The following CAPN6 variants were observed in gnomAD, a reference collection of about 807,000 sequenced individuals.
CAPN6 encodes calpain 6.
Under a neutral mutation model 46.0 loss-of-function variants are expected in CAPN6, and 16 were observed. The observed-to-expected ratio is 0.35, with a 90% CI of 0.24 to 0.53. CAPN6 has a LOEUF of 0.53. Ranked by LOEUF, CAPN6 falls within the 20% of genes least tolerant of loss-of-function variation. The pLI is 0.94. For missense variants in CAPN6, 461 were observed against 498.0 expected (o/e 0.93, Z 0.71); for synonymous variants, 206 against 172.8 (o/e 1.19, Z -1.51).
At chrX:111,260,052 T>C (rs1285085341) in intron 2 of CAPN6, among the ~76,000 whole-genome samples, 2 of 112,676 alleles carry the variant, frequency 1.8e-5, no homozygotes, top group Non-Finnish European at 3.8e-5. Flanking sequence ...TCAGGTAATA[T>C]ACCTGTGTAT....
At chrX:111,260,887 T>A (rs2094987428) in intron 2 of CAPN6, among the ~76,000 whole-genome samples, 1 of 112,865 alleles carries the variant, frequency 8.9e-6, no homozygotes, top group African/African-American at 3.2e-5. Flanking sequence ...AACTATTTGA[T>A]AGCTCAATAT....
chrX:111,251,368 A>G, intron 6 of CAPN6, 82 bp from the exon 7 acceptor site: 1 of 1,009,125 alleles, frequency 9.9e-7, no homozygotes, highest in Non-Finnish European at 1.4e-6. Flanking sequence ...ATGCCAGAGA[A>G]ACAGAGTGCA....
rs68122134 is a variant in CAPN6, at chrX:111,264,707, T to TAA, written c.-15-758_-15-757dup. ...CAATACACTCTTGCTTTCTTTTCTT[T>TAA]AAAAAAAAAAAAAGGAGGAAAAACA... On this transcript the variant is annotated intron_variant, in intron 1 of 12. Coordinates refer to ENST00000324068, the MANE Select transcript of CAPN6 (RefSeq NM_014289.4). Among the ~76,000 whole-genome samples, 400 of 99,925 alleles carry TAA rather than the reference T, an allele frequency of 4.0e-3. 4 individuals carry two copies. Among genetic ancestry groups the TAA allele is most frequent in the African/African-American group, 0.014 (380 of 27,439 alleles). 86.8% of individuals were successfully genotyped at this position (99,925 alleles called of 115,157 possible).
rs189530785 is a variant in CAPN6, at chrX:111,267,486, C to A, written c.-16+2885G>T. Among the ~76,000 whole-genome samples the A allele has an allele frequency of 2.7e-5, 3 of 111,978 alleles. No homozygotes were observed. The East Asian group carries it at 8.4e-4, about 31-fold the overall frequency. On this transcript the variant is annotated intron_variant, in intron 1 of 12. Coordinates refer to ENST00000324068, the MANE Select transcript of CAPN6 (RefSeq NM_014289.4). ...TTGAGGGAGACTGCCACGTAGAATA[C>A]AAGGCTGCAGTTTAAAGAGAGAGGT...
intron 2 of CAPN6, 84 bp downstream of exon 2, chrX:111,263,688 T>C: frequency 1.2e-6 from 1 of 851,950 alleles, no homozygotes. Flanking sequence ...GTCTACACAG[T>C]AGGCTTTGTA....
chrX:111,265,656 A>G (rs1216293159), intron 1 of CAPN6, among the ~76,000 whole-genome samples: 1 of 112,128 alleles, frequency 8.9e-6, no homozygotes, highest in Non-Finnish European at 1.9e-5. Flanking sequence ...CAAACTTACA[A>G]CAAACACTAC....
At chrX:111,247,654 C>A in intron 11 of CAPN6, 150 bp from the exon 12 acceptor site, 1 of 673,893 alleles carries the variant, frequency 1.5e-6, no homozygotes, top group Non-Finnish European at 2.2e-6. Flanking sequence ...ATTCCCACTT[C>A]CCTTTCCTTT....
chrX:111,249,106 A>G (rs1487891876), intron 8 of CAPN6, 49 bp from the exon 9 acceptor site: 1 of 1,174,351 alleles, frequency 8.5e-7, no homozygotes, highest in Non-Finnish European at 1.2e-6. Flanking sequence ...CCCATTTCAT[A>G]TGAACGAGCT....
At position 111,248,758 on chromosome X, in the gene CAPN6, C is replaced by T. The variant is rs759834539; in HGVS notation, c.1295G>A (p.Arg432His). ...GFELFKVEMN[R>H]KFRLHHLYIQ... ...GTAGAGGTGGTGGAGGCGGAATTTGCGGTTCATCTCCACCTGGAAATGAAA... is the reference window on the plus strand; with the variant it reads ...GTAGAGGTGGTGGAGGCGGAATTTGTGGTTCATCTCCACCTGGAAATGAAA... Residue 432 changes from arginine to histidine, a missense_variant, in exon 10 of 13, where the codon CGC (arginine) becomes CAC (histidine). Physicochemically the swap from Arg to His is conservative, Grantham distance 29. Coordinates refer to ENST00000324068, the MANE Select transcript of CAPN6 (RefSeq NM_014289.4). 3 of 1,209,619 alleles carry T rather than the reference C, an allele frequency of 2.5e-6. No individual in the cohort carries two copies. Among genetic ancestry groups the T allele is most frequent in the Non-Finnish European group, 3.4e-6 (3 of 893,805 alleles).
chrX:111,249,602 G>A (rs1380322431), intron 8 of CAPN6, among the ~76,000 whole-genome samples: 3 of 110,440 alleles, frequency 2.7e-5, no homozygotes, highest in Non-Finnish European at 5.7e-5. Flanking sequence ...ACATCATCTG[G>A]GGAATCACGG....
chrX:111,267,927 G>A (rs2094993138), intron 1 of CAPN6, among the ~76,000 whole-genome samples: 1 of 112,262 alleles, frequency 8.9e-6, no homozygotes, highest in African/African-American at 3.2e-5. Context: ...CCACACCTGG[G>A]GGGTGGTATG....
At chrX:111,253,702 A>T (rs988770764) in intron 3 of CAPN6, among the ~76,000 whole-genome samples, 6 of 112,043 alleles carry the variant, frequency 5.4e-5, no homozygotes, top group Admixed American at 1.9e-4. Flanking sequence ...ATGTTTAGGA[A>T]TTTTTTTTGT....
Position 111,254,186 on chromosome X carries a change from G to A in CAPN6, c.297+86C>T, listed in dbSNP as rs926414. 0.021 allele frequency: 21,987 copies of A among 1,031,117 alleles called. 1,925 individuals are homozygous for A. In the African/African-American group the frequency reaches 0.3, roughly 14 times the overall value. The allele number at this position is 1,031,117 out of a possible 1,213,427, so 85.0% of individuals were successfully genotyped here. On this transcript the variant is annotated intron_variant, in intron 3 of 12. Coordinates refer to ENST00000324068, the MANE Select transcript of CAPN6 (RefSeq NM_014289.4). ...CTTTCAAGAAATACAACAATCTAAG[G>A]AAGTTATGCGCTGATTTTTTTCCTA...
Position 111,248,009 on chromosome X carries a change from A to G in CAPN6, c.1485-17T>C, listed in dbSNP as rs750462184. 1 of 1,198,835 alleles carries G rather than the reference A, an allele frequency of 8.3e-7. No homozygotes were observed. Among genetic ancestry groups the G allele is most frequent in the Non-Finnish European group, 1.1e-6 (1 of 884,629 alleles). On this transcript the variant is annotated splice_polypyrimidine_tract_variant and intron_variant, in intron 10 of 12. Coordinates refer to ENST00000324068, the MANE Select transcript of CAPN6 (RefSeq NM_014289.4). ...GTCAGTTCCCTAGAACATCAAAAAT[A>G]AAATATTGTCATCATATGATAAATA...
intron 1 of CAPN6, 27 bp downstream of exon 1, chrX:111,270,344 A>G: frequency 3.2e-6 from 1 of 311,605 alleles, no homozygotes; most frequent in South Asian, 3.0e-5. Context: ...ACTCCAGGGT[A>G]AGTTTGCGAA....
chrX:111,260,408 A>T (rs1329104442), intron 2 of CAPN6, among the ~76,000 whole-genome samples: 1 of 113,130 alleles, frequency 8.8e-6, no homozygotes. Context: ...GACAGAAAAT[A>T]TCAGGTTAAT....
intron 5 of CAPN6, 32 bp from the exon 6 acceptor site, chrX:111,251,774 G>C: frequency 9.0e-7 from 1 of 1,115,463 alleles, no homozygotes; most frequent in South Asian, 2.0e-5. Context: ...TAAAGGCACA[G>C]GAATTGGGAG....
chrX:111,245,266 A>G lies in CAPN6; in HGVS notation c.*1311T>C, dbSNP rs1312356061. ...AGTACTACAACTATGTTTCTTTTTC[A>G]TCATTGCAGAAGCGTTGAAATATTG... On this transcript the variant is annotated 3_prime_UTR_variant, in exon 13 of 13. Coordinates refer to ENST00000324068, the MANE Select transcript of CAPN6 (RefSeq NM_014289.4). The G allele has an allele frequency of 8.9e-6, 1 of 111,876 alleles. No individual in the cohort carries two copies. Among genetic ancestry groups the G allele is most frequent in the Non-Finnish European group, 1.9e-5 (1 of 53,163 alleles). The allele number at this position is 111,876 out of a possible 1,213,427, so 9.2% of individuals were successfully genotyped here.
intron 1 of CAPN6, among the ~76,000 whole-genome samples, chrX:111,265,794 A>T (rs2094991327): frequency 8.9e-6 from 1 of 111,884 alleles, no homozygotes; most frequent in South Asian, 3.8e-4. Context: ...CATTCTGGAT[A>T]AATGAGTATT....
Sources: gnomAD v4.1 joint callset for allele counts (sites outside exome capture counted in the v4.1 genomes callset) on GRCh38, gnomAD v4.1.1 for gene constraint, MANE v1.5 for transcripts, NCBI Gene and HGNC (gene_info 2026-07-23, HGNC 2026-07-21) for gene names.